RBFOX1: variants seen among roughly 807,000 people sequenced by gnomAD.
The protein encoded by RBFOX1 is RNA binding protein fox-1 homolog 1.
A neutral mutation model predicts 57.7 loss-of-function variants in RBFOX1; 8 were observed. The observed-to-expected ratio is 0.14, with a 90% confidence interval of 0.08 to 0.25. The LOEUF (loss-of-function observed/expected upper bound fraction) is 0.25, where lower values mean the gene tolerates loss of function less well. Ranked by LOEUF, RBFOX1 falls within the 10% of genes least tolerant of loss-of-function variation. The pLI is 1.00. For synonymous variants in RBFOX1, 326 were observed against 222.4 expected, an observed-to-expected ratio of 1.47 and a Z score of -4.15; for missense variants, 611 against 548.5, an observed-to-expected ratio of 1.11 and a Z score of -1.14.
chr16:6,034,967 A>AGTTACTTAATT (rs369631106), intron 1 of RBFOX1, among the ~76,000 whole-genome samples: 45,017 of 151,646 alleles, frequency 0.3, 6,856 homozygotes, highest in African/African-American at 0.37. Flanking sequence ...TAAGCAGCAG[A>AGTTACTTAATT]GAGCATACTA....
At chr16:7,549,716 A>G (rs746918110) in intron 5 of RBFOX1, among the ~76,000 whole-genome samples, 5 of 152,074 alleles carry the variant, frequency 3.3e-5, no homozygotes, top group Non-Finnish European at 5.9e-5. Flanking sequence ...TAGTCTTTCC[A>G]CCTTCTTCTG....
intron 3 of RBFOX1, among the ~76,000 whole-genome samples, chr16:6,998,507 G>A (rs118099326): frequency 0.011 from 1,733 of 152,250 alleles, 22 homozygotes; most frequent in Non-Finnish European, 0.019. Flanking sequence ...CAATGACTTG[G>A]CCCTACCAGA....
chr16:5,705,653 G>T (rs1055455251), intron 3 of RBFOX1, among the ~76,000 whole-genome samples: 3 of 152,170 alleles, frequency 2.0e-5, no homozygotes, highest in Non-Finnish European at 4.4e-5. Flanking sequence ...TTAAGTGACT[G>T]AGCAATGAGG....
intron 1 of RBFOX1, among the ~76,000 whole-genome samples, chr16:6,277,577 G>A (rs532359821): frequency 6.7e-6 from 1 of 150,374 alleles, no homozygotes; most frequent in African/African-American, 2.5e-5. Flanking sequence ...TTGGAGATCA[G>A]CCTGGGCAAT....
intron 14 of RBFOX1, among the ~76,000 whole-genome samples, chr16:7,691,589 AACAAGCCTAGTTTCTTAG>A (rs1213722817): frequency 6.6e-6 from 1 of 152,124 alleles, no homozygotes; most frequent in Non-Finnish European, 1.5e-5. Context: ...AATTTTTAAA[AACAAGCCTAGTTTCTTAG>A]AGGGCTGTTT....
At chr16:7,578,003 T>G (rs952655317) in intron 5 of RBFOX1, among the ~76,000 whole-genome samples, 1 of 152,264 alleles carries the variant, frequency 6.6e-6, no homozygotes. Context: ...GAGGGCTGAT[T>G]TATGTGTCCA....
intron 2 of RBFOX1, among the ~76,000 whole-genome samples, chr16:6,346,284 A>T (rs918638149): frequency 1.3e-5 from 2 of 152,226 alleles, no homozygotes; most frequent in Non-Finnish European, 2.9e-5. Flanking sequence ...GTACTGCTGT[A>T]GATAGTGTTG....
intron 3 of RBFOX1, among the ~76,000 whole-genome samples, chr16:6,831,195 G>T (rs1470576021): frequency 2.6e-5 from 4 of 152,154 alleles, no homozygotes; most frequent in African/African-American, 4.8e-5. Context: ...AATGAGAGAG[G>T]AGACAACACA....
intron 3 of RBFOX1, chr16:7,004,196 T>C (rs548560314): frequency 2.0e-5 from 3 of 152,250 alleles, no homozygotes; most frequent in South Asian, 4.1e-4. Flanking sequence ...GAATCTGTAA[T>C]GCATAAGAAG....
chr16:7,291,146 A>G (rs1337003402), intron 4 of RBFOX1, among the ~76,000 whole-genome samples: 1 of 152,176 alleles, frequency 6.6e-6, no homozygotes, highest in Non-Finnish European at 1.5e-5. Context: ...ATCTGGACAG[A>G]GGGAGATATG....
chr16:6,811,077 C>G (rs1036528457), intron 3 of RBFOX1, among the ~76,000 whole-genome samples: 1 of 152,188 alleles, frequency 6.6e-6, no homozygotes, highest in Non-Finnish European at 1.5e-5. Context: ...CTGGGTATTT[C>G]TTTCTGGGAT....
chr16:5,899,318 A>G (rs369578998), intron 4 of RBFOX1, among the ~76,000 whole-genome samples: 9 of 152,132 alleles, frequency 5.9e-5, no homozygotes, highest in Admixed American at 3.3e-4. Flanking sequence ...GATGAGATCT[A>G]CAGAGGAGAG....
chr16:5,304,416 C>T (rs2063880918), intron 1 of RBFOX1, among the ~76,000 whole-genome samples: 1 of 152,154 alleles, frequency 6.6e-6, no homozygotes, highest in Non-Finnish European at 1.5e-5. Context: ...TTTCCTCCTA[C>T]TTTTTGAACC....
intron 4 of RBFOX1, among the ~76,000 whole-genome samples, chr16:7,173,425 A>G (rs1004714833): frequency 2.0e-5 from 3 of 152,212 alleles, no homozygotes; most frequent in South Asian, 2.1e-4. Flanking sequence ...ATATCTGTGC[A>G]TTCAGTGACT....
At chr16:6,967,889 C>T (rs1446169923) in intron 3 of RBFOX1, among the ~76,000 whole-genome samples, 6 of 152,094 alleles carry the variant, frequency 3.9e-5, no homozygotes, top group Non-Finnish European at 8.8e-5. Context: ...AAAAAAGATG[C>T]CCCAAATCAC....
intron 3 of RBFOX1, among the ~76,000 whole-genome samples, chr16:6,905,003 G>T (rs560733085): frequency 6.6e-6 from 1 of 152,122 alleles, no homozygotes; most frequent in Non-Finnish European, 1.5e-5. Flanking sequence ...TGCTGTGCTT[G>T]TTAGCATGGT....
chr16:7,075,531 G>T (rs956110137), intron 4 of RBFOX1, among the ~76,000 whole-genome samples: 1 of 151,982 alleles, frequency 6.6e-6, no homozygotes. Flanking sequence ...AAAAATAAAA[G>T]CCCACACAAC....
At chr16:7,415,254 T>C (rs1396968831) in intron 4 of RBFOX1, among the ~76,000 whole-genome samples, 1 of 152,226 alleles carries the variant, frequency 6.6e-6, no homozygotes, top group Non-Finnish European at 1.5e-5. Flanking sequence ...TCTCAGATGA[T>C]GCATCTGATA....
intron 2 of RBFOX1, among the ~76,000 whole-genome samples, chr16:6,518,503 A>G (rs1234622139): frequency 7.9e-5 from 12 of 152,104 alleles, no homozygotes; most frequent in African/African-American, 2.9e-4. Flanking sequence ...TATTTTGTGT[A>G]GTTTTCTCTG....
Sources: gnomAD v4.1 joint callset for allele counts (sites outside exome capture counted in the v4.1 genomes callset) on GRCh38, gnomAD v4.1.1 for gene constraint, MANE v1.5 for transcripts, NCBI Gene and HGNC (gene_info 2026-07-23, HGNC 2026-07-21) for gene names.